The following CACNA2D3 variants were observed in gnomAD, a reference collection of about 807,000 sequenced individuals.
The protein encoded by CACNA2D3 is voltage-dependent calcium channel subunit alpha-2/delta-3.
A neutral mutation model predicts 160.6 loss-of-function variants in CACNA2D3; 60 were observed. The observed-to-expected ratio is 0.37, with a 90% CI of 0.30 to 0.46. CACNA2D3 has a LOEUF of 0.46. Ranked by LOEUF, CACNA2D3 falls within the 20% of genes least tolerant of loss-of-function variation. The pLI is 1.00. For missense variants in CACNA2D3, 1,205 were observed against 1,365.0 expected, an observed-to-expected ratio of 0.88 and a Z score of 1.85; for synonymous variants, 558 against 492.9, an observed-to-expected ratio of 1.13 and a Z score of -1.75.
At chr3:55,036,375 A>G (rs1703816266) in intron 35 of CACNA2D3, among the ~76,000 whole-genome samples, 1 of 152,182 alleles carries the variant, frequency 6.6e-6, no homozygotes, top group African/African-American at 2.4e-5. Flanking sequence ...TGAACCTGGG[A>G]GACGGAGGTT....
chr3:54,526,734 T>C (rs6445683), intron 5 of CACNA2D3, among the ~76,000 whole-genome samples: 104,385 of 152,120 alleles, frequency 0.69, 36,179 homozygotes, highest in African/African-American at 0.76. Flanking sequence ...TCTGTTGCCC[T>C]GGCTGGAGTT....
chr3:54,401,402 A>G (rs1396482035), intron 4 of CACNA2D3, among the ~76,000 whole-genome samples: 1 of 152,218 alleles, frequency 6.6e-6, no homozygotes, highest in Non-Finnish European at 1.5e-5. Flanking sequence ...GAAACTCAAA[A>G]GTCCCCAAAC....
At chr3:54,528,983 C>A (rs562863494) in intron 5 of CACNA2D3, among the ~76,000 whole-genome samples, 32 of 152,246 alleles carry the variant, frequency 2.1e-4, no homozygotes, top group African/African-American at 7.0e-4. Flanking sequence ...GAATCACCAA[C>A]CTGATTAGAA....
Position 55,074,197 on chromosome 3 carries a change from C to T in CACNA2D3, c.3267C>T (p.Phe1089=). ...TGCTCCCTCTGCTTTTGATGCTCTT[C>T]TCAAGGTGACACTGACTGAGATGTT... ...LLLLPLLLML[F]SR The change falls in exon 38 of 38, where the codon TTC becomes TTT. Residue 1089 remains phenylalanine (F), a synonymous_variant. Coordinates refer to ENST00000474759, the MANE Select transcript of CACNA2D3 (RefSeq NM_018398.3). 1 of 1,612,942 alleles carries T rather than the reference C, an allele frequency of 6.2e-7. No homozygotes were observed. Among genetic ancestry groups the T allele is most frequent in the Non-Finnish European group, 8.5e-7 (1 of 1,178,938 alleles).
intron 11 of CACNA2D3, among the ~76,000 whole-genome samples, chr3:54,718,086 T>G (rs966047731): frequency 6.6e-6 from 1 of 152,230 alleles, no homozygotes; most frequent in Non-Finnish European, 1.5e-5. Flanking sequence ...TCTCATGATA[T>G]ACTTTTTTTA....
chr3:54,597,465 G>A (rs1268743123), intron 9 of CACNA2D3, among the ~76,000 whole-genome samples: 1 of 152,030 alleles, frequency 6.6e-6, no homozygotes, highest in African/African-American at 2.4e-5. Context: ...TTGTACTCTT[G>A]TGTTTTCTCT....
At chr3:54,459,041 C>A (rs371308549) in intron 4 of CACNA2D3, among the ~76,000 whole-genome samples, 2 of 152,032 alleles carry the variant, frequency 1.3e-5, no homozygotes, top group South Asian at 4.2e-4. Context: ...TTCGTCCTTG[C>A]GATAGTTTAC....
At chr3:54,465,137 G>A (rs574885961) in intron 4 of CACNA2D3, among the ~76,000 whole-genome samples, 195 of 150,558 alleles carry the variant, frequency 1.3e-3, no homozygotes, top group African/African-American at 4.6e-3. Flanking sequence ...CTAGTCTGTC[G>A]TTAACAAATT....
At chr3:54,987,885 A>G (rs376172732) in intron 31 of CACNA2D3, 132 bp downstream of exon 31, 7 of 607,100 alleles carry the variant, frequency 1.2e-5, no homozygotes, top group African/African-American at 7.5e-5. Context: ...GCTCCAAAAG[A>G]TCTCTCTGAA....
chr3:54,563,537 T>C (rs1445041568), intron 6 of CACNA2D3, among the ~76,000 whole-genome samples: 1 of 152,208 alleles, frequency 6.6e-6, no homozygotes, highest in Non-Finnish European at 1.5e-5. Context: ...CAGGTGTTCC[T>C]TCTGGAGCCT....
chr3:54,276,410 A>G (rs930730400), intron 2 of CACNA2D3, among the ~76,000 whole-genome samples: 4 of 152,126 alleles, frequency 2.6e-5, no homozygotes, highest in Non-Finnish European at 5.9e-5. Flanking sequence ...CTCTACTAAA[A>G]AAAACCACAA....
At chr3:54,909,754 A>G (rs192046269) in intron 27 of CACNA2D3, among the ~76,000 whole-genome samples, 2 of 150,226 alleles carry the variant, frequency 1.3e-5, no homozygotes, top group African/African-American at 2.5e-5. Flanking sequence ...AGTCAGGGAG[A>G]TGAGTGAATC....
intron 11 of CACNA2D3, among the ~76,000 whole-genome samples, chr3:54,646,128 T>A (rs1450832383): frequency 3.4e-4 from 8 of 23,476 alleles, no homozygotes; most frequent in Non-Finnish European, 9.9e-4. Context: ...CCTTCCTTTC[T>A]TCCTTCCTTC....
At chr3:54,972,785 C>T (rs989128085) in intron 29 of CACNA2D3, among the ~76,000 whole-genome samples, 5 of 152,160 alleles carry the variant, frequency 3.3e-5, no homozygotes, top group African/African-American at 9.7e-5. Flanking sequence ...GACTTGAGGG[C>T]CTGGCCATGG....
chr3:54,318,358 A>G (rs1215223495), intron 2 of CACNA2D3, among the ~76,000 whole-genome samples: 1 of 152,178 alleles, frequency 6.6e-6, no homozygotes, highest in Non-Finnish European at 1.5e-5. Context: ...AGAAACTCAT[A>G]AGATTTTTAT....
chr3:54,852,344 G>A (rs1186766944), intron 17 of CACNA2D3, among the ~76,000 whole-genome samples: 3 of 152,218 alleles, frequency 2.0e-5, no homozygotes, highest in African/African-American at 7.2e-5. Context: ...GCCAGTGGGT[G>A]GAAAGCAGTA....
intron 2 of CACNA2D3, among the ~76,000 whole-genome samples, chr3:54,273,464 A>G (rs78034322): frequency 0.017 from 2,544 of 152,166 alleles, 56 homozygotes; most frequent in East Asian, 0.052. Flanking sequence ...TAATGCCCCA[A>G]TCACATATAA....
intron 27 of CACNA2D3, among the ~76,000 whole-genome samples, chr3:54,903,159 T>TA (rs1700377428): frequency 6.6e-6 from 1 of 152,164 alleles, no homozygotes; most frequent in Admixed American, 6.6e-5. Flanking sequence ...GCACAGGTAT[T>TA]AAGCCTGGTA....
At chr3:54,148,366 A>G (rs1171650600) in intron 2 of CACNA2D3, among the ~76,000 whole-genome samples, 1 of 152,180 alleles carries the variant, frequency 6.6e-6, no homozygotes, top group Non-Finnish European at 1.5e-5. Flanking sequence ...CACTTGGTTA[A>G]ATTTTGGGAG....
Sources: gnomAD v4.1 joint callset for allele counts (sites outside exome capture counted in the v4.1 genomes callset) on GRCh38, gnomAD v4.1.1 for gene constraint, MANE v1.5 for transcripts, NCBI Gene and HGNC (gene_info 2026-07-23, HGNC 2026-07-21) for gene names.